MCF2L: variants seen among roughly 807,000 people sequenced by gnomAD.
MCF2L encodes MCF.2 cell line derived transforming sequence like, also known as guanine nucleotide exchange factor DBS.
MCF2L carries 97 observed loss-of-function variants against 153.4 expected under a neutral mutation model. The ratio of observed to expected loss-of-function variants is 0.63; its 90% CI spans 0.54 to 0.75. The LOEUF is 0.75. Among genes scored for constraint, MCF2L ranks in the 30% least tolerant of loss-of-function variants. The probability of loss-of-function intolerance (pLI) is 0.00; values close to 1 mark genes in which losing one functional copy is unlikely to be tolerated. For missense variants in MCF2L, 1,347 were observed against 1,495.2 expected, an observed-to-expected ratio of 0.90 and a Z score of 1.64; for synonymous variants, 659 against 632.2, an observed-to-expected ratio of 1.04 and a Z score of -0.64.
At chr13:113,038,721 G>GA (rs752907533) in intron 3 of MCF2L, among the ~76,000 whole-genome samples, 39 of 152,286 alleles carry the variant, frequency 2.6e-4, no homozygotes, top group Middle Eastern at 6.8e-3. Context: ...GAAAAAAGTT[G>GA]AAAGCTGATA....
intron 1 of MCF2L, chr13:113,009,794 A>G (rs2083957722): frequency 6.6e-6 from 1 of 152,384 alleles, no homozygotes; most frequent in South Asian, 2.1e-4. Flanking sequence ...GGCTTCGGGA[A>G]GGCCTCTGGC....
At chr13:113,040,991 T>C (rs2086451149) in intron 3 of MCF2L, 1 of 152,276 alleles carries the variant, frequency 6.6e-6, no homozygotes, top group Admixed American at 6.5e-5. Flanking sequence ...GGGCCTTTTT[T>C]ACTTATTTGG....
chr13:112,927,386 C>G (rs7490742), intron 2 of MCF2L, among the ~76,000 whole-genome samples: 26,969 of 152,068 alleles, frequency 0.18, 2,673 homozygotes, highest in African/African-American at 0.25. Context: ...CTAGACCTGT[C>G]CATGGAAAAA....
chr13:112,917,877 C>T (rs1055393475), intron 2 of MCF2L, among the ~76,000 whole-genome samples: 9 of 152,304 alleles, frequency 5.9e-5, no homozygotes, highest in Admixed American at 5.9e-4. Context: ...GACCTAGCCT[C>T]ACCTGCCCAC....
Position 113,065,068 on chromosome 13 carries a change from A to C in MCF2L, c.739A>C (p.Lys247Gln). The part of the protein sequence containing the change: ...TSSVLCAHTE[K>Q]KDKAKEDLRL... ...CTCAGTGCTGTGTGCGCACACAGAG[A>C]AGAAGGACAAGGCGAAGGTACATGG... Residue 247 changes from lysine to glutamine, a missense_variant, in exon 7 of 30, where the codon AAG becomes CAG. By Grantham distance (53) the Lys-to-Gln change is moderately conservative. Coordinates refer to ENST00000535094, the MANE Select transcript of MCF2L (RefSeq NM_001112732.3). The C allele has an allele frequency of 5.2e-6, 8 of 1,536,672 alleles. No individual in the cohort carries two copies. The highest frequency in any genetic ancestry group is 7.0e-6 in the Non-Finnish European group (8 of 1,135,728).
At chr13:113,005,839 C>A (rs9577419) in intron 1 of MCF2L, among the ~76,000 whole-genome samples, 11 of 152,086 alleles carry the variant, frequency 7.2e-5, no homozygotes, top group African/African-American at 2.7e-4. Flanking sequence ...AGCACGTGTG[C>A]GCCTTAAATA....
chr13:113,076,972 G>A (rs572432900), intron 12 of MCF2L, 80 bp from the exon 13 acceptor site: 1,009 of 1,471,832 alleles, frequency 6.9e-4, no homozygotes, highest in South Asian at 1.1e-3. Flanking sequence ...GGCGTGCCCC[G>A]GCACGTTCTG....
At chr13:112,992,502 G>C (rs535890453) in intron 1 of MCF2L, among the ~76,000 whole-genome samples, 2 of 152,238 alleles carry the variant, frequency 1.3e-5, no homozygotes, top group Non-Finnish European at 2.9e-5. Flanking sequence ...TGCTCCAGAC[G>C]TTCCCGCCGT....
chr13:113,079,216 C>T (rs2033840742), intron 15 of MCF2L, among the ~76,000 whole-genome samples: 1 of 152,224 alleles, frequency 6.6e-6, no homozygotes, highest in African/African-American at 2.4e-5. Flanking sequence ...GACCCTCAAA[C>T]TCAGGGAGTG....
rs528013750 is a variant in MCF2L, at chr13:113,024,965, G to A, written c.278+207G>A. 100 of 504,046 alleles carry A rather than the reference G, an allele frequency of 2.0e-4. 4 individuals carry two copies. In the South Asian group the frequency reaches 2.5e-3, roughly 13 times the overall value. 31.2% of individuals were successfully genotyped at this position (504,046 alleles called of 1,614,324 possible). On this transcript the variant is annotated intron_variant, in intron 3 of 29. Coordinates refer to ENST00000535094, the MANE Select transcript of MCF2L (RefSeq NM_001112732.3). The stretch of plus-strand genomic sequence containing the variant: ...CCCCGTGACTGTGGGTCAGGGCAGA[G>A]TCTCTGTGAGGTTTCATCATGGTGG...
At chr13:112,906,108 G>A (rs947684663) in intron 2 of MCF2L, among the ~76,000 whole-genome samples, 17 of 152,150 alleles carry the variant, frequency 1.1e-4, no homozygotes, top group Non-Finnish European at 2.2e-4. Context: ...TTTCCAGCTC[G>A]CTCGGTGCGG....
At chr13:113,090,495 TTGCTGGCTGCG>T in intron 26 of MCF2L, 2 of 970,382 alleles carry the variant, frequency 2.1e-6, no homozygotes, top group Non-Finnish European at 2.4e-6. Context: ...GGTGCTGACC[TTGCTGGCTGCG>T]TGTCTCTGCT....
intron 1 of MCF2L, among the ~76,000 whole-genome samples, chr13:113,014,489 C>T (rs2084381338): frequency 6.6e-6 from 1 of 152,240 alleles, no homozygotes; most frequent in Non-Finnish European, 1.5e-5. Context: ...AGGTCTCTCT[C>T]TTTGTCCCTC....
At chr13:113,059,350 G>A (rs555510804) in intron 4 of MCF2L, among the ~76,000 whole-genome samples, 123 of 152,372 alleles carry the variant, frequency 8.1e-4, no homozygotes, top group Middle Eastern at 3.4e-3. Flanking sequence ...CTGAACATTG[G>A]AGTGTGGCTG....
intron 2 of MCF2L, among the ~76,000 whole-genome samples, chr13:112,954,458 C>T (rs1213638578): frequency 1.3e-5 from 2 of 152,248 alleles, no homozygotes; most frequent in Admixed American, 6.5e-5. Flanking sequence ...ATGTGGAGGA[C>T]CTGCGGTCAT....
At position 113,078,703 on chromosome 13, in the gene MCF2L, CG is replaced by C; in HGVS notation, c.1777del (p.Glu593ArgfsTer13). 1 of 1,610,102 alleles carries C rather than the reference CG, an allele frequency of 6.2e-7. No homozygotes were observed. Reference protein sequence around the residue: ...MSESRQGRGSAGEEEESLAIL... With the variant: ...MSESRQGRGSXGEEEESLAIL... ...GAGAGCCGGCAGGGCCGCGGCTCAG[CG>C]GGGGAGGAGGAGGAAAGCCTGGCCA... On this transcript the variant is annotated frameshift_variant, in exon 15 of 30. Coordinates refer to ENST00000535094, the MANE Select transcript of MCF2L (RefSeq NM_001112732.3). LOFTEE classifies it high-confidence loss of function.
At chr13:113,082,675 A>G in intron 17 of MCF2L, 133 bp downstream of exon 17, 2 of 655,522 alleles carry the variant, frequency 3.1e-6, no homozygotes, top group South Asian at 3.4e-5. Context: ...GGGTGGACTC[A>G]CAGAGGCACA....
chr13:112,970,793 G>A (rs1211133583), intron 1 of MCF2L, among the ~76,000 whole-genome samples: 1 of 152,098 alleles, frequency 6.6e-6, no homozygotes, highest in African/African-American at 2.4e-5. Flanking sequence ...ATTTTTAATT[G>A]GAAAAAGGCT....
At position 113,016,180 on chromosome 13, in the gene MCF2L, A is replaced by C. The variant is rs1203127117; in HGVS notation, c.163+1334A>C. Reference sequence around the variant, plus strand: ...TTTTGCAGATGAATTTAAGGCCCCAAATCAGCTAACTTTAAGATCTTCCTT... The same window carrying C: ...TTTTGCAGATGAATTTAAGGCCCCACATCAGCTAACTTTAAGATCTTCCTT... On this transcript the variant is annotated intron_variant, in intron 2 of 29. Coordinates refer to ENST00000535094, the MANE Select transcript of MCF2L (RefSeq NM_001112732.3). Among the ~76,000 whole-genome samples, 4 of 152,296 alleles carry C rather than the reference A, an allele frequency of 2.6e-5. No homozygotes were observed. In the South Asian group the frequency reaches 8.3e-4, roughly 32 times the overall value.
Sources: gnomAD v4.1 joint callset for allele counts (sites outside exome capture counted in the v4.1 genomes callset) on GRCh38, gnomAD v4.1.1 for gene constraint, MANE v1.5 for transcripts, NCBI Gene and HGNC (gene_info 2026-07-23, HGNC 2026-07-21) for gene names.